MYCBP2: variants seen among roughly 807,000 people sequenced by gnomAD.
MYCBP2 encodes the protein MYC binding protein 2, also known as E3 ubiquitin-protein ligase MYCBP2.
Under a neutral mutation model 525.3 loss-of-function variants are expected in MYCBP2, and 120 were observed. That is an observed-to-expected ratio of 0.23 (90% CI 0.20 to 0.27). MYCBP2 has a LOEUF of 0.27. Among genes scored for constraint, MYCBP2 ranks in the 10% least tolerant of loss-of-function variants. The pLI is 1.00. For synonymous variants in MYCBP2, 1,894 were observed against 1,955.8 expected (o/e 0.97, Z 0.83); for missense variants, 4,149 against 5,657.1 (o/e 0.73, Z 8.55).
intron 68 of MYCBP2, among the ~76,000 whole-genome samples, chr13:77,071,770 C>T (rs2154087212): frequency 6.6e-6 from 1 of 152,262 alleles, no homozygotes; most frequent in South Asian, 2.1e-4. Flanking sequence ...CAGCAGAGTT[C>T]ACATTTTTTT....
At chr13:77,162,122 A>G (rs73241414) in intron 43 of MYCBP2, among the ~76,000 whole-genome samples, 167 bp from the exon 44 acceptor site, 3,383 of 152,312 alleles carry the variant, frequency 0.022, 57 homozygotes, top group Middle Eastern at 0.068. Flanking sequence ...AGTTTAATAT[A>G]TAAGATACTT....
chr13:77,059,799 T>A (rs2038937684), intron 76 of MYCBP2, among the ~76,000 whole-genome samples, 173 bp from the exon 77 acceptor site: 1 of 152,058 alleles, frequency 6.6e-6, no homozygotes, highest in Non-Finnish European at 1.5e-5. Context: ...AAGTAAATAA[T>A]GACACACAAA....
intron 75 of MYCBP2, 98 bp downstream of exon 75, chr13:77,061,564 A>G (rs1437718995): frequency 1.4e-6 from 2 of 1,402,062 alleles, no homozygotes; most frequent in East Asian, 2.5e-5. Flanking sequence ...CTTTGATTCC[A>G]AAGTCCACTT....
intron 61 of MYCBP2, among the ~76,000 whole-genome samples, chr13:77,088,520 A>G (rs1174988236): frequency 6.6e-6 from 1 of 152,058 alleles, no homozygotes; most frequent in Admixed American, 6.6e-5. Context: ...TTCCATGATT[A>G]CTCTGTCATT....
intron 7 of MYCBP2, among the ~76,000 whole-genome samples, chr13:77,269,720 C>A (rs1333791794): frequency 6.6e-6 from 1 of 152,038 alleles, no homozygotes; most frequent in Non-Finnish European, 1.5e-5. Flanking sequence ...TATGTTTAAT[C>A]CCATATTAAA....
intron 47 of MYCBP2, among the ~76,000 whole-genome samples, chr13:77,149,713 A>G (rs748289401): frequency 6.6e-6 from 1 of 152,190 alleles, no homozygotes; most frequent in Admixed American, 6.5e-5. Context: ...CCCCTCTTCC[A>G]TTATCAATTG....
rs1411509415 is a variant in MYCBP2, at chr13:77,126,396, G to A, written c.7806C>T (p.Asn2602=). The change falls in exon 53 of 83, where the codon AAC becomes AAT. Residue 2602 remains asparagine, a synonymous_variant. Transcript: ENST00000544440. ...KVVKTGPSGH[N]IRSCPNLRGI... The stretch of plus-strand genomic sequence containing the variant: ...CTCTAAGGTTAGGGCAGCTTCTGAT[G>A]TTGTGACCTGAAGGTCCCGTCTTCA... 6 of 1,613,988 alleles carry A rather than the reference G, an allele frequency of 3.7e-6. No individual in the cohort carries two copies. Among genetic ancestry groups the A allele is most frequent in the Non-Finnish European group, 5.1e-6 (6 of 1,179,884 alleles).
At chr13:77,112,492 T>C (rs1256814499) in intron 55 of MYCBP2, among the ~76,000 whole-genome samples, 1 of 151,330 alleles carries the variant, frequency 6.6e-6, no homozygotes, top group Non-Finnish European at 1.5e-5. Context: ...GGCATGCAAT[T>C]ATGGCTGACT....
intron 26 of MYCBP2, among the ~76,000 whole-genome samples, chr13:77,203,196 G>A (rs1286933094): frequency 6.6e-6 from 1 of 152,150 alleles, no homozygotes; most frequent in East Asian, 1.9e-4. Context: ...CTTCAGCAAA[G>A]TCTCAGGATA....
intron 1 of MYCBP2, among the ~76,000 whole-genome samples, chr13:77,321,763 A>G (rs1354904024): frequency 6.6e-6 from 1 of 152,186 alleles, no homozygotes; most frequent in East Asian, 1.9e-4. Context: ...ACACTTCTAT[A>G]AGTATCTGCC....
In MYCBP2 at chr13:77,192,303, T is replaced by C. The variant is rs1307654200; in HGVS notation, c.3936-490A>G. Reference sequence around the variant, plus strand: ...TCTATCCTCTCAGTACCTTAGCTTCTTCACCTGAAAACTGTGGTGAAAATA... The same window carrying C: ...TCTATCCTCTCAGTACCTTAGCTTCCTCACCTGAAAACTGTGGTGAAAATA... On this transcript the variant is annotated intron_variant, in intron 27 of 82. Coordinates refer to ENST00000544440, the MANE Select transcript of MYCBP2 (RefSeq NM_015057.5). Among the ~76,000 whole-genome samples, 8 of 152,234 alleles carry C rather than the reference T, an allele frequency of 5.3e-5. No individual in the cohort carries two copies. In the East Asian group the frequency reaches 1.5e-3, roughly 29 times the overall value.
chr13:77,172,306 T>C (rs879307512), intron 37 of MYCBP2, among the ~76,000 whole-genome samples: 3 of 151,976 alleles, frequency 2.0e-5, no homozygotes, highest in Admixed American at 6.6e-5. Flanking sequence ...AAGACATGTA[T>C]GGCTGGAAGA....
At chr13:77,100,745 A>G (rs1364916155) in intron 55 of MYCBP2, among the ~76,000 whole-genome samples, 1 of 152,058 alleles carries the variant, frequency 6.6e-6, no homozygotes, top group Non-Finnish European at 1.5e-5. Context: ...TTTCTTGCAA[A>G]GCTTCATTAT....
At chr13:77,250,445 T>G (rs2070995260) in intron 15 of MYCBP2, among the ~76,000 whole-genome samples, 1 of 152,060 alleles carries the variant, frequency 6.6e-6, no homozygotes, top group South Asian at 2.1e-4. Context: ...TTTTCTCTAC[T>G]CCCCCAAATC....
chr13:77,198,718 C>G (rs2062041510), intron 26 of MYCBP2, among the ~76,000 whole-genome samples: 1 of 152,134 alleles, frequency 6.6e-6, no homozygotes, highest in Non-Finnish European at 1.5e-5. Context: ...GTTGGCCTAC[C>G]AGATGGAATC....
At chr13:77,135,322 G>A (rs1313321126) in intron 52 of MYCBP2, among the ~76,000 whole-genome samples, 1 of 152,170 alleles carries the variant, frequency 6.6e-6, no homozygotes, top group Non-Finnish European at 1.5e-5. Flanking sequence ...GAAGTAAGAA[G>A]GGAGAAAGAT....
At chr13:77,182,209 A>G (rs1595197736) in intron 32 of MYCBP2, among the ~76,000 whole-genome samples, 1 of 152,110 alleles carries the variant, frequency 6.6e-6, no homozygotes, top group East Asian at 1.9e-4. Context: ...CAATCACAGT[A>G]CTCTCTAGCA....
At chr13:77,215,272 T>C (rs1360286987) in intron 21 of MYCBP2, among the ~76,000 whole-genome samples, 1 of 152,084 alleles carries the variant, frequency 6.6e-6, no homozygotes, top group East Asian at 1.9e-4. Flanking sequence ...CAATTTCCAC[T>C]GAAAGGAGTG....
rs1173091514 is a variant in MYCBP2, at chr13:77,051,867, C to T, written c.13699G>A (p.Asp4567Asn). ...RCDAEAGRGD[D>N]YDPRELICGA... The stretch of plus-strand genomic sequence containing the variant: ...CAAATGAGCTCTCTGGGATCATAAT[C>T]ATCTCCCCGTCCAGCCTCAGCATCG... Residue 4567 changes from aspartate to asparagine, a missense_variant, in exon 81 of 83, where the codon GAT becomes AAT. Physicochemically the swap from Asp to Asn is conservative, Grantham distance 23. Coordinates refer to ENST00000544440, the MANE Select transcript of MYCBP2 (RefSeq NM_015057.5). 6.2e-7 allele frequency: 1 copy of T among 1,614,186 alleles called. No homozygotes were observed. The highest frequency in any genetic ancestry group is 8.5e-7 in the Non-Finnish European group (1 of 1,180,038).
Sources: allele counts gnomAD v4.1 joint callset (sites outside exome capture counted in the v4.1 genomes callset), GRCh38; gene constraint gnomAD v4.1.1; transcripts MANE v1.5; gene names NCBI Gene and HGNC (gene_info 2026-07-23, HGNC 2026-07-21).